DPP6: variants seen among roughly 807,000 people sequenced by gnomAD.
DPP6 encodes the protein A-type potassium channel modulatory protein DPP6.
A neutral mutation model predicts 122.6 loss-of-function variants in DPP6; 69 were observed. The ratio of observed to expected loss-of-function variants is 0.56; its 90% CI spans 0.46 to 0.69. DPP6 has a LOEUF of 0.69. DPP6 is among the 30% of genes least tolerant of loss of function. The probability of loss-of-function intolerance (pLI) is 0.00; values close to 1 mark genes in which losing one functional copy is unlikely to be tolerated. For synonymous variants in DPP6, 418 were observed against 433.1 expected (o/e 0.97, Z 0.43); for missense variants, 928 against 1,116.9 (o/e 0.83, Z 2.41).
chr7:153,909,562 TA>T (rs961119123), intron 1 of DPP6, among the ~76,000 whole-genome samples: 5 of 152,160 alleles, frequency 3.3e-5, no homozygotes, highest in African/African-American at 4.8e-5. Context: ...CATTTCCTCT[TA>T]AAAATCTCCC....
intron 1 of DPP6, among the ~76,000 whole-genome samples, chr7:154,063,629 A>G (rs1439135731): frequency 7.7e-6 from 1 of 129,638 alleles, no homozygotes; most frequent in African/African-American, 3.0e-5. Context: ...CGAGGCAGGG[A>G]CTGAGAGCCA....
chr7:154,876,332 T>C (rs774077383), intron 20 of DPP6: 25 of 728,784 alleles, frequency 3.4e-5, no homozygotes, highest in Non-Finnish European at 4.8e-5. Context: ...ATTGTTGAGT[T>C]GACTAAAACA....
intron 17 of DPP6, among the ~76,000 whole-genome samples, chr7:154,861,131 G>A (rs1172482590): frequency 1.3e-5 from 2 of 152,202 alleles, no homozygotes; most frequent in African/African-American, 4.8e-5. Flanking sequence ...GGTGGCCAAA[G>A]AGAGAAAGTC....
the DPP6 span, among the ~76,000 whole-genome samples, chr7:153,749,148 G>C: frequency 1.3e-5 from 2 of 152,142 alleles, no homozygotes; most frequent in African/African-American, 4.8e-5. The surrounding 1 kb of genome is among the most constrained non-coding windows in gnomAD (Gnocchi z 4.1). Flanking sequence ...GCCTTGCAGG[G>C]GTCGGTGACT....
At chr7:154,061,742 C>T (rs867603162) in intron 1 of DPP6, among the ~76,000 whole-genome samples, 1 of 81,084 alleles carries the variant, frequency 1.2e-5, no homozygotes, top group Admixed American at 1.2e-4. Flanking sequence ...GAACCTCCCC[C>T]TTTCCTCCCC....
intron 16 of DPP6, among the ~76,000 whole-genome samples, chr7:154,847,282 A>G (rs1461138784): frequency 6.6e-6 from 1 of 152,204 alleles, no homozygotes; most frequent in Non-Finnish European, 1.5e-5. Flanking sequence ...ATATCATACT[A>G]TATATGGCAT....
chr7:154,342,518 G>A (rs4455751), intron 1 of DPP6, among the ~76,000 whole-genome samples: 2 of 152,094 alleles, frequency 1.3e-5, no homozygotes, highest in Non-Finnish European at 2.9e-5. Flanking sequence ...GAAGTGGGCT[G>A]TAAGCCCCGG....
intron 7 of DPP6, among the ~76,000 whole-genome samples, chr7:154,674,030 C>A (rs1050372900): frequency 2.6e-5 from 4 of 152,114 alleles, no homozygotes; most frequent in African/African-American, 9.7e-5. Context: ...TGTGTGCCAC[C>A]ATACGTGGCT....
intron 6 of DPP6, among the ~76,000 whole-genome samples, chr7:154,667,587 G>A (rs1411941454): frequency 2.6e-5 from 4 of 152,084 alleles, no homozygotes; most frequent in African/African-American, 7.2e-5. Context: ...GCCAGGCGTC[G>A]TGGCAGGTGC....
chr7:153,904,248 C>T (rs1489765885), intron 1 of DPP6, among the ~76,000 whole-genome samples: 2 of 152,076 alleles, frequency 1.3e-5, no homozygotes, highest in East Asian at 3.9e-4. Flanking sequence ...GACGGGGTTT[C>T]ACTGTGTTGG....
At chr7:154,030,627 G>C (rs6942496) in intron 1 of DPP6, among the ~76,000 whole-genome samples, 3,897 of 152,166 alleles carry the variant, frequency 0.026, 180 homozygotes, top group African/African-American at 0.09. Context: ...GACAGACCTG[G>C]ACCTCAGTTC....
At chr7:154,170,633 G>A (rs1186090472) in intron 1 of DPP6, among the ~76,000 whole-genome samples, 1 of 152,146 alleles carries the variant, frequency 6.6e-6, no homozygotes, top group Non-Finnish European at 1.5e-5. Flanking sequence ...GGCTGCCAAC[G>A]GCTTGCCCTG....
chr7:153,811,719 A>G, the DPP6 span, among the ~76,000 whole-genome samples: 692 of 152,084 alleles, frequency 4.6e-3, 4 homozygotes, highest in African/African-American at 0.016. Flanking sequence ...AAGTCACAAA[A>G]CTTATGTAAA....
At chr7:154,200,443 G>A (rs1248901181) in intron 1 of DPP6, among the ~76,000 whole-genome samples, 6 of 152,180 alleles carry the variant, frequency 3.9e-5, no homozygotes, top group Admixed American at 2.0e-4. Flanking sequence ...GCAGCTGAGG[G>A]TGAGAACCGC....
At chr7:153,828,262 A>G in the DPP6 span, among the ~76,000 whole-genome samples, 1 of 152,116 alleles carries the variant, frequency 6.6e-6, no homozygotes, top group Non-Finnish European at 1.5e-5. Context: ...CAGTGGAGGG[A>G]GACAGTGTGA....
rs114263839 is a variant in DPP6 at position 154,652,963 on chromosome 7, A to T, written c.680+15090A>T. On this transcript the variant is annotated intron_variant, in intron 6 of 25. Transcript: ENST00000377770. The stretch of plus-strand genomic sequence containing the variant: ...GCACCTGTCTGAACTGGCTCCGTTC[A>T]CGTCCATTCATTCTTTAAGGAACTT... Among the ~76,000 whole-genome samples the T allele has an allele frequency of 1.3e-3, 196 of 152,306 alleles. 1 individual carries two copies. Among genetic ancestry groups the T allele is most frequent in the African/African-American group, 4.4e-3 (184 of 41,568 alleles).
chr7:154,762,232 C>T (rs925141644), intron 8 of DPP6, among the ~76,000 whole-genome samples: 3 of 152,216 alleles, frequency 2.0e-5, no homozygotes, highest in African/African-American at 7.2e-5. Context: ...CTTTCTGCCA[C>T]ATTCTCTTCA....
intron 1 of DPP6, among the ~76,000 whole-genome samples, chr7:153,967,762 A>C (rs1306336703): frequency 6.6e-6 from 1 of 152,006 alleles, no homozygotes; most frequent in East Asian, 1.9e-4. Context: ...ACTATTAATG[A>C]GCTCACGTCT....
intron 6 of DPP6, among the ~76,000 whole-genome samples, chr7:154,649,630 C>T (rs1836740127): frequency 6.6e-6 from 1 of 152,202 alleles, no homozygotes; most frequent in Non-Finnish European, 1.5e-5. Context: ...CATCTGTGCT[C>T]ACTGCACATA....
Sources: gnomAD v4.1 joint callset for allele counts (sites outside exome capture counted in the v4.1 genomes callset) on GRCh38, gnomAD v4.1.1 for gene constraint, Gnocchi (gnomAD v3.1) non-coding constraint, MANE v1.5 for transcripts, NCBI Gene and HGNC (gene_info 2026-07-23, HGNC 2026-07-21) for gene names.